The following SWAP70 variants were observed in gnomAD, a reference collection of about 807,000 sequenced individuals.
SWAP70 encodes switching B cell complex subunit SWAP70.
SWAP70 carries 34 observed loss-of-function variants against 80.2 expected under a neutral mutation model. The observed-to-expected ratio is 0.42, with a 90% CI of 0.32 to 0.56. SWAP70 has a LOEUF of 0.56. Ranked by LOEUF, SWAP70 falls within the 20% of genes least tolerant of loss-of-function variation. The pLI is 0.09. For synonymous variants in SWAP70, 239 were observed against 238.5 expected, an observed-to-expected ratio of 1.00 and a Z score of -0.02; for missense variants, 578 against 690.7, an observed-to-expected ratio of 0.84 and a Z score of 1.83.
Position 9,749,881 on chromosome 11 carries a change from C to T in SWAP70, c.1669C>T (p.Leu557=), listed in dbSNP as rs1328155224. 1 of 1,613,064 alleles carries T rather than the reference C, an allele frequency of 6.2e-7. No homozygotes were observed. Among genetic ancestry groups the T allele is most frequent in the African/African-American group, 1.3e-5 (1 of 74,904 alleles). Residue 557 remains leucine (L), a synonymous_variant, in exon 12 of 12, where the codon CTG becomes TTG. Transcript: ENST00000318950. ...LIEPGSKNPH[L]ITNWGPAAFT... ...CCTCTTAGGTTCAAAGAACCCTCACCTGATCACTAACTGGGGACCTGCAGC... is the reference window on the plus strand; with the variant it reads ...CCTCTTAGGTTCAAAGAACCCTCACTTGATCACTAACTGGGGACCTGCAGC...
At chr11:9,706,451 G>T (rs1432792870) in intron 2 of SWAP70, among the ~76,000 whole-genome samples, 1 of 151,764 alleles carries the variant, frequency 6.6e-6, no homozygotes, top group African/African-American at 2.4e-5. Flanking sequence ...AATAATATTT[G>T]TAGGATATAT....
At chr11:9,741,602 G>A (rs1268876170) in intron 9 of SWAP70, 1 of 152,190 alleles carries the variant, frequency 6.6e-6, no homozygotes, top group Non-Finnish European at 1.5e-5. Context: ...GAATTCGCAG[G>A]TGAAATATGC....
rs146888296 is a variant in SWAP70 at position 9,702,893 on chromosome 11, A to T, written c.240+8607A>T. Reference sequence around the variant, plus strand: ...CTTTGGCCAGCAATGTGAGTCATGTACTGTAAAGATATATTGTTTTTTAAA... The same window carrying T: ...CTTTGGCCAGCAATGTGAGTCATGTTCTGTAAAGATATATTGTTTTTTAAA... On this transcript the variant is annotated intron_variant, in intron 2 of 11. Coordinates refer to ENST00000318950, the MANE Select transcript of SWAP70 (RefSeq NM_015055.4). 1.7e-3 allele frequency among the ~76,000 whole-genome samples: 259 copies of T among 152,356 alleles called. 2 individuals are homozygous for T. The highest frequency in any genetic ancestry group is 6.1e-3 in the African/African-American group (252 of 41,584).
chr11:9,709,823 C>T (rs943040281), intron 2 of SWAP70, among the ~76,000 whole-genome samples: 4 of 152,130 alleles, frequency 2.6e-5, no homozygotes, highest in African/African-American at 9.7e-5. Flanking sequence ...CAAAACTTAA[C>T]TCCTAATAGC....
intron 7 of SWAP70, among the ~76,000 whole-genome samples, chr11:9,735,379 A>C (rs926494295): frequency 6.6e-6 from 1 of 152,216 alleles, no homozygotes; most frequent in Non-Finnish European, 1.5e-5. Flanking sequence ...CTGTTATACA[A>C]CTGTGTCATT....
In SWAP70 at chr11:9,737,253, A is replaced by T. The variant is rs78295933; in HGVS notation, c.1081-960A>T. 2.1e-4 allele frequency among the ~76,000 whole-genome samples: 32 copies of T among 152,184 alleles called. No homozygotes were observed. The East Asian group carries it at 6.0e-3, about 29-fold the overall frequency. ...CTAGGCTTGAGCTGAGGGGAGGGGAACCCTTGTTTGGGGTTCCATCTGCCA... is the reference window on the plus strand; with the variant it reads ...CTAGGCTTGAGCTGAGGGGAGGGGATCCCTTGTTTGGGGTTCCATCTGCCA... On this transcript the variant is annotated intron_variant, in intron 7 of 11. Coordinates refer to ENST00000318950, the MANE Select transcript of SWAP70 (RefSeq NM_015055.4).
chr11:9,702,352 G>A (rs549775860), intron 2 of SWAP70, among the ~76,000 whole-genome samples: 1 of 151,502 alleles, frequency 6.6e-6, no homozygotes, highest in African/African-American at 2.4e-5. Flanking sequence ...TTGCTCTTTA[G>A]CCTGTGTTAT....
At chr11:9,672,419 C>T (rs1183886401) in intron 1 of SWAP70, among the ~76,000 whole-genome samples, 1 of 151,072 alleles carries the variant, frequency 6.6e-6, no homozygotes, top group East Asian at 1.9e-4. Flanking sequence ...GGCTGGAGTG[C>T]AGTGGCACGA....
At chr11:9,674,958 GAC>G (rs1037545984) in intron 1 of SWAP70, among the ~76,000 whole-genome samples, 2 of 147,644 alleles carry the variant, frequency 1.4e-5, no homozygotes, top group African/African-American at 5.0e-5. Context: ...GACAGAGCGA[GAC>G]TCCGTCTCAA....
intron 9 of SWAP70, 21 bp downstream of exon 9, chr11:9,740,368 C>T: frequency 6.2e-7 from 1 of 1,613,832 alleles, no homozygotes; most frequent in Non-Finnish European, 8.5e-7. Flanking sequence ...TGTTTGCAGA[C>T]TTTGCCTTTA....
intron 9 of SWAP70, among the ~76,000 whole-genome samples, chr11:9,747,604 C>G (rs1851528362): frequency 6.6e-6 from 1 of 152,242 alleles, no homozygotes; most frequent in Admixed American, 6.5e-5. Context: ...GTTCCTGGCA[C>G]ACATTAAACT....
At chr11:9,717,496 A>G (rs1360035224) in intron 3 of SWAP70, among the ~76,000 whole-genome samples, 1 of 152,018 alleles carries the variant, frequency 6.6e-6, no homozygotes, top group African/African-American at 2.4e-5. Flanking sequence ...TTAGCTGGGC[A>G]TGGTGGTGTG....
chr11:9,677,427 T>C (rs1850515255), intron 1 of SWAP70, among the ~76,000 whole-genome samples: 1 of 152,146 alleles, frequency 6.6e-6, no homozygotes, highest in Non-Finnish European at 1.5e-5. Context: ...TATAAAATTC[T>C]AAAGGGTATT....
At chr11:9,694,384 G>A in intron 2 of SWAP70, 98 bp downstream of exon 2, 2 of 1,316,500 alleles carry the variant, frequency 1.5e-6, no homozygotes, top group South Asian at 1.9e-5. Flanking sequence ...AAGGAGTTGA[G>A]GTACAAAGAA....
chr11:9,731,844 G>A (rs926891950), intron 6 of SWAP70, among the ~76,000 whole-genome samples: 2 of 152,176 alleles, frequency 1.3e-5, no homozygotes, highest in East Asian at 3.8e-4. Context: ...AGGAGTAGGA[G>A]GGAGACTTTC....
intron 1 of SWAP70, chr11:9,680,814 A>G (rs774724602): frequency 3.9e-5 from 6 of 152,144 alleles, no homozygotes; most frequent in Non-Finnish European, 5.9e-5. Context: ...TCTAAATTTC[A>G]TATGTGGTTT....
intron 1 of SWAP70, among the ~76,000 whole-genome samples, chr11:9,671,958 T>C (rs1404357065): frequency 4.4e-5 from 5 of 112,506 alleles, no homozygotes; most frequent in Admixed American, 1.1e-4. Context: ...TAATATATAA[T>C]ATATTTTATA....
At chr11:9,666,724 ATTTT>A (rs58246147) in intron 1 of SWAP70, among the ~76,000 whole-genome samples, 6 of 106,240 alleles carry the variant, frequency 5.6e-5, no homozygotes, top group Admixed American at 2.1e-4. Context: ...TGACCTCTTA[ATTTT>A]TTTTTTTTTT....
In SWAP70 at chr11:9,664,110, T is replaced by A; in HGVS notation, c.-70T>A. 7.0e-7 allele frequency: 1 copy of A among 1,426,682 alleles called. No homozygotes were observed. Among genetic ancestry groups the A allele is most frequent in the African/African-American group, 1.5e-5 (1 of 65,918 alleles). 88.4% of individuals were successfully genotyped at this position (1,426,682 alleles called of 1,614,324 possible). A position where few individuals can be genotyped will look rare whatever the true frequency, so the allele number is the denominator to read the frequency against. On this transcript the variant is annotated 5_prime_UTR_variant, in exon 1 of 12. The change creates a new upstream start codon in the 5' untranslated region. Transcript: ENST00000318950. ...GCGCGGCGGGCTGTGGCTGCGGAGG[T>A]TGAGGGGCGTCCGAGGCGCGGAGGG...
Sources: allele counts gnomAD v4.1 joint callset (sites outside exome capture counted in the v4.1 genomes callset), GRCh38; gene constraint gnomAD v4.1.1; transcripts MANE v1.5; gene names NCBI Gene and HGNC (gene_info 2026-07-23, HGNC 2026-07-21).